Variants in MAD1L1 observed in about 807,000 individuals in gnomAD.
MAD1L1 encodes the protein mitotic spindle assembly checkpoint protein MAD1.
MAD1L1 carries 95 observed loss-of-function variants against 96.9 expected under a neutral mutation model. The ratio of observed to expected loss-of-function variants is 0.98; its 90% CI spans 0.83 to 1.16. The LOEUF (loss-of-function observed/expected upper bound fraction) is 1.16, where lower values mean the gene tolerates loss of function less well. Among genes scored for constraint, MAD1L1 ranks in the 50% most tolerant of loss-of-function variants. MAD1L1 has a pLI of 0.00. For synonymous variants in MAD1L1, 473 were observed against 396.6 expected, an observed-to-expected ratio of 1.19 and a Z score of -2.29; for missense variants, 1,007 against 954.4, an observed-to-expected ratio of 1.06 and a Z score of -0.73.
At chr7:1,939,117 C>T (rs1167780850) in intron 16 of MAD1L1, among the ~76,000 whole-genome samples, 2 of 139,598 alleles carry the variant, frequency 1.4e-5, no homozygotes, top group Non-Finnish European at 3.1e-5. Context: ...GGGCCAGAGG[C>T]GCGCACACAC....
intron 3 of MAD1L1, among the ~76,000 whole-genome samples, chr7:2,228,332 C>T (rs1343997850): frequency 2.0e-5 from 3 of 151,970 alleles, no homozygotes; most frequent in Non-Finnish European, 2.9e-5. Flanking sequence ...CGCGATGGCT[C>T]ACTGCAACCT....
At chr7:1,835,775 C>A (rs1011126603) in intron 18 of MAD1L1, among the ~76,000 whole-genome samples, 1 of 152,096 alleles carries the variant, frequency 6.6e-6, no homozygotes, top group Admixed American at 6.5e-5. Context: ...GTGGGCTGCT[C>A]GACTAACACT....
chr7:1,951,800 C>G (rs538258212), intron 16 of MAD1L1, among the ~76,000 whole-genome samples: 3 of 152,290 alleles, frequency 2.0e-5, no homozygotes, highest in Admixed American at 6.5e-5. Context: ...CTATCATGCT[C>G]CACCGTATGG....
intron 17 of MAD1L1, among the ~76,000 whole-genome samples, chr7:1,903,899 C>T (rs11770260): frequency 0.068 from 6,190 of 90,528 alleles, 306 homozygotes; most frequent in East Asian, 0.11. Flanking sequence ...TCTTGCGGAA[C>T]TCATGATTGA....
In MAD1L1 at chr7:2,038,518, T is replaced by C. The variant is rs1584151705; in HGVS notation, c.1219-23876A>G. ...GATGACTTTTTTTTTTTTTTTTTTT[T>C]TTTTTTTTGAGACACAGTCTCACTC... is the stretch of plus-strand genomic sequence containing the variant. On this transcript the variant is annotated intron_variant, in intron 12 of 18. Coordinates refer to ENST00000265854, the MANE Select transcript of MAD1L1 (RefSeq NM_001013836.2). Among the ~76,000 whole-genome samples the C allele has an allele frequency of 5.9e-5, 7 of 118,042 alleles. No individual in the cohort carries two copies. The South Asian group carries it at 2.0e-3, about 34-fold the overall frequency. 77.4% of individuals were successfully genotyped at this position (118,042 alleles called of 152,430 possible). A position where few individuals can be genotyped will look rare whatever the true frequency, so the allele number is the denominator to read the frequency against.
At chr7:2,096,093 G>A (rs1462742569) in intron 11 of MAD1L1, among the ~76,000 whole-genome samples, 3 of 152,124 alleles carry the variant, frequency 2.0e-5, no homozygotes, top group African/African-American at 4.8e-5. Flanking sequence ...CAAGGCCGGC[G>A]GCCAAGGTGG....
At position 1,968,546 on chromosome 7, in the gene MAD1L1, C is replaced by T. The variant is rs1424379361; in HGVS notation, c.1506-10827G>A. ...CACCGTCAATGCCAGCGGTCATGTC[C>T]ACCATCAACGCCTCAGTCCAGCGGT... On this transcript the variant is annotated intron_variant, in intron 15 of 18. Coordinates refer to ENST00000265854, the MANE Select transcript of MAD1L1 (RefSeq NM_001013836.2). The surrounding 1 kb of genome is among the most constrained non-coding windows in gnomAD (Gnocchi z 5.6). 1.3e-5 allele frequency among the ~76,000 whole-genome samples: 2 copies of T among 151,060 alleles called. No individual in the cohort carries two copies. Among genetic ancestry groups the T allele is most frequent in the Admixed American group, 6.6e-5 (1 of 15,162 alleles).
chr7:2,152,850 C>T (rs1443844753), intron 10 of MAD1L1, among the ~76,000 whole-genome samples: 1 of 152,220 alleles, frequency 6.6e-6, no homozygotes, highest in East Asian at 1.9e-4. Context: ...CATTTTCACA[C>T]TGGCATTGGG....
intron 18 of MAD1L1, among the ~76,000 whole-genome samples, chr7:1,889,108 T>G (rs142619959): frequency 2.6e-5 from 4 of 152,192 alleles, no homozygotes; most frequent in Non-Finnish European, 5.9e-5. Context: ...CCACGACCCT[T>G]GGGCAGATGC....
intron 7 of MAD1L1, among the ~76,000 whole-genome samples, chr7:2,216,562 G>A (rs749559889): frequency 2.2e-4 from 34 of 152,076 alleles, no homozygotes; most frequent in Admixed American, 3.3e-4. Context: ...ACATCTGCCC[G>A]AACCATACAC....
chr7:1,900,767 C>G (rs774888592), intron 17 of MAD1L1, among the ~76,000 whole-genome samples: 14 of 152,268 alleles, frequency 9.2e-5, no homozygotes, highest in African/African-American at 3.4e-4. Context: ...GTAATAAATG[C>G]AAGCCTGACC....
intron 10 of MAD1L1, chr7:2,200,351 C>T (rs1157433033): frequency 6.6e-6 from 1 of 152,464 alleles, no homozygotes. Flanking sequence ...TTGTTCTCCA[C>T]TGGGCCCCCG....
At chr7:2,194,582 G>T (rs995570741) in intron 10 of MAD1L1, among the ~76,000 whole-genome samples, 1 of 152,108 alleles carries the variant, frequency 6.6e-6, no homozygotes, top group Admixed American at 6.5e-5. Context: ...CCAACTAATT[G>T]TAACAGAGAC....
chr7:2,179,389 A>C (rs140648448), intron 10 of MAD1L1, among the ~76,000 whole-genome samples: 27 of 151,916 alleles, frequency 1.8e-4, no homozygotes, highest in African/African-American at 6.5e-4. Flanking sequence ...TTAGCCGGGC[A>C]TGGTGGCGCA....
At chr7:1,944,626 G>A (rs1055849384) in intron 16 of MAD1L1, among the ~76,000 whole-genome samples, 4 of 152,152 alleles carry the variant, frequency 2.6e-5, no homozygotes, top group Non-Finnish European at 4.4e-5. Context: ...GCTTGGGCTG[G>A]GAAATGTGAG....
Position 2,146,364 on chromosome 7 carries a change from C to A in MAD1L1, c.1073+2788G>T, listed in dbSNP as rs1054218015. 6.6e-6 allele frequency among the ~76,000 whole-genome samples: 1 copy of A among 150,794 alleles called. No individual in the cohort carries two copies. Among genetic ancestry groups the A allele is most frequent in the Non-Finnish European group, 1.5e-5 (1 of 67,920 alleles). ...AGAGGGAGCACCGGGCACTGGGCTA[C>A]GAGGAACAGGGCAACGCCTCGAAGA... On this transcript the variant is annotated intron_variant, in intron 11 of 18. Coordinates refer to ENST00000265854, the MANE Select transcript of MAD1L1 (RefSeq NM_001013836.2). This position sits in a 1 kb window ranked among gnomAD's most constrained non-coding sequence, Gnocchi z 6.2.
intron 10 of MAD1L1, among the ~76,000 whole-genome samples, chr7:2,174,426 C>T (rs551200642): frequency 6.6e-6 from 1 of 152,288 alleles, no homozygotes; most frequent in South Asian, 2.1e-4. Context: ...CACAGACGTT[C>T]ATCCACTGGA....
At chr7:2,078,399 G>GCGT (rs1330188787) in intron 11 of MAD1L1, among the ~76,000 whole-genome samples, 10 of 152,222 alleles carry the variant, frequency 6.6e-5, no homozygotes, top group Non-Finnish European at 1.3e-4. Flanking sequence ...TCAGACGCGT[G>GCGT]CGTCCGTCGT....
At chr7:1,967,193 C>T (rs1322516853) in intron 15 of MAD1L1, among the ~76,000 whole-genome samples, 2 of 152,178 alleles carry the variant, frequency 1.3e-5, no homozygotes, top group African/African-American at 4.8e-5. Flanking sequence ...GAGGCTGATT[C>T]TCAGTAGGCA....
Sources: allele counts gnomAD v4.1 joint callset (sites outside exome capture counted in the v4.1 genomes callset), GRCh38; gene constraint gnomAD v4.1.1; non-coding constraint Gnocchi (gnomAD v3.1); transcripts MANE v1.5; gene names NCBI Gene and HGNC (gene_info 2026-07-23, HGNC 2026-07-21).